PSG4: variants seen among roughly 807,000 people sequenced by gnomAD.
PSG4 encodes pregnancy specific beta-1-glycoprotein 4.
PSG4 carries 61 observed loss-of-function variants against 44.3 expected under a neutral mutation model. That is an observed-to-expected ratio of 1.38 (90% CI 1.12 to 1.70). PSG4 has a LOEUF of 1.70. Ranked by LOEUF, PSG4 falls within the 40% of genes most tolerant of loss-of-function variation. PSG4 has a pLI of 0.00. For synonymous variants in PSG4, 248 were observed against 191.3 expected, an observed-to-expected ratio of 1.30 and a Z score of -2.45; for missense variants, 677 against 511.7, an observed-to-expected ratio of 1.32 and a Z score of -3.12.
intron 2 of PSG4, among the ~76,000 whole-genome samples, chr19:43,200,960 G>A (rs746786776): frequency 6.8e-6 from 1 of 146,050 alleles, no homozygotes; most frequent in Admixed American, 6.8e-5. Context: ...CTGACAGGAA[G>A]CCAGAAGTCT....
Position 43,203,961 on chromosome 19 carries a change from A to G in PSG4, c.355T>C (p.Ser119Pro). ...IQNVTQEDAGSYTLHIIKRRD... is the reference protein window; with the variant it reads ...IQNVTQEDAGPYTLHIIKRRD... ...CGCTTTATGATGTGTAAGGTGTAGG[A>G]TCCTGCATCCTCCTGCGTGACATTC... Residue 119 changes from serine (S) to proline (P), a missense_variant, in exon 2 of 6, where the codon TCC (serine) becomes CCC (proline). Coordinates refer to ENST00000405312, the MANE Select transcript of PSG4 (RefSeq NM_002780.5). 6.3e-7 allele frequency: 1 copy of G among 1,587,382 alleles called. No homozygotes were observed. The highest frequency in any genetic ancestry group is 1.4e-5 in the African/African-American group (1 of 69,686).
At chr19:43,193,807 G>C in intron 5 of PSG4, 1 of 545,918 alleles carries the variant, frequency 1.8e-6, no homozygotes, top group Non-Finnish European at 3.3e-6. Flanking sequence ...CCAATGATTT[G>C]AAATGTGTCC....
In PSG4 at chr19:43,194,559, T is replaced by C. The variant is rs1967149933; in HGVS notation, c.1024A>G (p.Thr342Ala). The C allele has an allele frequency of 6.2e-7, 1 of 1,611,850 alleles. No individual in the cohort carries two copies. The highest frequency in any genetic ancestry group is 1.3e-5 in the African/African-American group (1 of 74,406). The change falls in exon 5 of 6, where the codon ACC (threonine) becomes GCC (alanine). Residue 342 changes from threonine (T) to alanine (A), a missense_variant. Physicochemically the swap from Thr to Ala is moderately conservative, Grantham distance 58. Transcript: ENST00000405312. The part of the protein sequence containing the change: ...PDLPSIYPSF[T>A]YYRSGENLYL... Reference sequence around the variant, plus strand: ...AGGTTTTCTCCTGAACGGTAATAGGTGAATGAAGGGTAAATGCTGGGGAGG... The same window carrying C: ...AGGTTTTCTCCTGAACGGTAATAGGCGAATGAAGGGTAAATGCTGGGGAGG...
intron 1 of PSG4, 199 bp from the exon 2 acceptor site, chr19:43,204,450 C>A: frequency 1.3e-6 from 1 of 778,340 alleles, no homozygotes. Flanking sequence ...CAGCATGACC[C>A]CCATTCCTTC....
At chr19:43,194,180 A>G in intron 5 of PSG4, 160 bp downstream of exon 5, 2 of 1,530,594 alleles carry the variant, frequency 1.3e-6, no homozygotes, top group Non-Finnish European at 1.8e-6. Context: ...AAAGTTTTGG[A>G]AGTTCTTAGA....
intron 1 of PSG4, 121 bp from the exon 2 acceptor site, chr19:43,204,372 A>G: frequency 7.9e-7 from 1 of 1,268,248 alleles, no homozygotes; most frequent in South Asian, 1.5e-5. Context: ...ACATACAAAC[A>G]CATACACACA....
In PSG4 at chr19:43,202,483, GTCTCTAAAGAGGTTT is replaced by G. The variant is rs1325140940; in HGVS notation, c.430+1388_430+1402del. ...CCTATGATTCTGCATCCAACATCCAGTCTCTAAAGAGGTTTTGGATCATTCATTTCTTCATTCCAT... is the reference window on the plus strand; with the variant it reads ...CCTATGATTCTGCATCCAACATCCAGTGGATCATTCATTTCTTCATTCCAT... On this transcript the variant is annotated intron_variant, in intron 2 of 5. Coordinates refer to ENST00000405312, the MANE Select transcript of PSG4 (RefSeq NM_002780.5). Among the ~76,000 whole-genome samples the G allele has an allele frequency of 2.8e-5, 4 of 144,822 alleles. 1 individual carries two copies. Among genetic ancestry groups the G allele is most frequent in the African/African-American group, 1.1e-4 (4 of 37,564 alleles).
rs1555721740 is a variant in PSG4, at chr19:43,194,402, C to A, written c.1181G>T (p.Cys394Phe). The A allele has an allele frequency of 6.2e-7, 1 of 1,612,414 alleles. No homozygotes were observed. ...ITTKHSGLYA[C>F]SVRNSATGKE... is the part of the protein sequence containing the mutation. ...GCCAGTGGCTGAGTTACGAACAGAG[C>A]AAGCATAGAGCCCACTATGCTTTGT... The change falls in exon 5 of 6, where the codon TGC becomes TTC. Residue 394 changes from cysteine to phenylalanine, a missense_variant. Transcript: ENST00000405312.
intron 1 of PSG4, chr19:43,204,951 A>T (rs1480453833): frequency 7.1e-6 from 2 of 281,166 alleles, no homozygotes; most frequent in African/African-American, 5.2e-5. Flanking sequence ...GTGGCCCCTG[A>T]TGATTAATCA....
chr19:43,195,829 A>G (rs4239520), intron 3 of PSG4, among the ~76,000 whole-genome samples: 102,512 of 148,724 alleles, frequency 0.69, 36,371 homozygotes, highest in East Asian at 0.93. Flanking sequence ...CCTGGAGGTC[A>G]GTTCAGTCAT....
In PSG4 at chr19:43,200,998, G is replaced by C. The variant is rs1294531308; in HGVS notation, c.431-2723C>G. Among the ~76,000 whole-genome samples, 3 of 146,298 alleles carry C rather than the reference G, an allele frequency of 2.1e-5. 1 individual carries two copies. Among genetic ancestry groups the C allele is most frequent in the African/African-American group, 7.8e-5 (3 of 38,382 alleles). On this transcript the variant is annotated intron_variant, in intron 2 of 5. Coordinates refer to ENST00000405312, the MANE Select transcript of PSG4 (RefSeq NM_002780.5). ...AGGAAGTGACAGGAGAATGTGAGCT[G>C]CATAGCAGGTTGAGGATGGAGTCCC... is the stretch of plus-strand genomic sequence containing the variant.
Position 43,194,139 on chromosome 19 carries a change from G to A in PSG4, c.1243+201C>T. 3.5e-6 allele frequency: 5 copies of A among 1,445,864 alleles called. 1 individual carries two copies. Among genetic ancestry groups the A allele is most frequent in the Non-Finnish European group, 4.6e-6 (5 of 1,079,102 alleles). The allele number at this position is 1,445,864 out of a possible 1,614,324, so 89.6% of individuals were successfully genotyped here. A position where few individuals can be genotyped will look rare whatever the true frequency, so the allele number is the denominator to read the frequency against. On this transcript the variant is annotated intron_variant, in intron 5 of 5. Transcript: ENST00000405312. ...TGTTTCTCCTGCTTGGTCTAGGCTGGGAATTTTAAGAAGATATCAGCCTGT... is the reference window on the plus strand; with the variant it reads ...TGTTTCTCCTGCTTGGTCTAGGCTGAGAATTTTAAGAAGATATCAGCCTGT...
Position 43,196,096 on chromosome 19 carries a change from G to A in PSG4, c.710-823C>T, listed in dbSNP as rs545035365. 1.3e-3 allele frequency among the ~76,000 whole-genome samples: 201 copies of A among 151,842 alleles called. 2 individuals carry two copies. Among genetic ancestry groups the A allele is most frequent in the Non-Finnish European group, 2.5e-3 (167 of 67,912 alleles). ...ATACATATGGACATTTGCAAAAGCA[G>A]AACTGACTGGTGGAAAGTGTGGGAA... On this transcript the variant is annotated intron_variant, in intron 3 of 5. Coordinates refer to ENST00000405312, the MANE Select transcript of PSG4 (RefSeq NM_002780.5).
Position 43,204,183 on chromosome 19 carries a change from C to G in PSG4, c.133G>C (p.Val45Leu). The G allele has an allele frequency of 6.3e-7, 1 of 1,585,836 alleles. No individual in the cohort carries two copies. Residue 45 changes from valine (V) to leucine (L), a missense_variant, in exon 2 of 6, where the codon GTT becomes CTT. By Grantham distance (32) the Val-to-Leu change is conservative. Coordinates refer to ENST00000405312, the MANE Select transcript of PSG4 (RefSeq NM_002780.5). ...QVTIEAQPPK[V>L]SEGKDVLLLV... ...AGAAGAACATCCTTCCCCTCAGAAA[C>G]TTTGGGTGGCTGGGCTTCAATCGTG...
intron 3 of PSG4, among the ~76,000 whole-genome samples, chr19:43,195,991 C>G (rs534757955): frequency 2.0e-5 from 3 of 150,940 alleles, no homozygotes; most frequent in East Asian, 1.9e-4. Context: ...TGGAGCAGAA[C>G]CATGTTCCCT....
Position 43,202,847 on chromosome 19 carries a change from C to T in PSG4, c.430+1039G>A, listed in dbSNP as rs1209331588. On this transcript the variant is annotated intron_variant, in intron 2 of 5. Coordinates refer to ENST00000405312, the MANE Select transcript of PSG4 (RefSeq NM_002780.5). Reference sequence around the variant, plus strand: ...AGAGAGGATTTGAGCCAATAAATGACTATGGGGTGCTTGGAACCCAGTAAG... The same window carrying T: ...AGAGAGGATTTGAGCCAATAAATGATTATGGGGTGCTTGGAACCCAGTAAG... 7.6e-5 allele frequency among the ~76,000 whole-genome samples: 11 copies of T among 144,554 alleles called. 1 individual carries two copies. The highest frequency in any genetic ancestry group is 7.5e-4 in the Admixed American group (11 of 14,586). The allele number at this position is 144,554 out of a possible 152,430, so 94.8% of individuals were successfully genotyped here. A position where few individuals can be genotyped will look rare whatever the true frequency, so the allele number is the denominator to read the frequency against.
intron 3 of PSG4, among the ~76,000 whole-genome samples, chr19:43,197,199 T>C (rs2122314189): frequency 6.9e-6 from 1 of 145,192 alleles, no homozygotes; most frequent in Non-Finnish European, 1.5e-5. Context: ...AGGCAAAAGC[T>C]GGTGGTTTTG....
chr19:43,204,136 C>G lies in PSG4; in HGVS notation c.180G>C (p.Gln60His). The G allele has an allele frequency of 2.5e-6, 4 of 1,587,378 alleles. No individual in the cohort carries two copies. The highest frequency in any genetic ancestry group is 2.6e-6 in the Non-Finnish European group (3 of 1,171,694). ...TGTACCAAATGTAGCCAGCAAGATT[C>G]TGGGGCAAATTGTGGACAAGTAGAA... Reference protein sequence around the residue: ...DVLLLVHNLPQNLAGYIWYKG... With the variant: ...DVLLLVHNLPHNLAGYIWYKG... The change falls in exon 2 of 6, where the codon CAG becomes CAC. Residue 60 changes from glutamine to histidine, a missense_variant. Physicochemically the swap from Gln to His is conservative, Grantham distance 24. Transcript: ENST00000405312.
chr19:43,196,646 C>T (rs999564953), intron 3 of PSG4: 1 of 151,174 alleles, frequency 6.6e-6, no homozygotes, highest in African/African-American at 2.4e-5. Context: ...TCTCTCACCA[C>T]GTTTCTAGCT....
Sources: gnomAD v4.1 joint callset for allele counts (sites outside exome capture counted in the v4.1 genomes callset) on GRCh38, gnomAD v4.1.1 for gene constraint, MANE v1.5 for transcripts, NCBI Gene and HGNC (gene_info 2026-07-23, HGNC 2026-07-21) for gene names.